Variants in METTL15 observed in about 807,000 individuals in gnomAD.
METTL15 encodes the protein methyltransferase 15, mitochondrial 12S rRNA N4-cytidine, also known as 12S rRNA N(4)-cytidine methyltransferase METTL15.
Under a neutral mutation model 38.3 loss-of-function variants are expected in METTL15, and 34 were observed. The ratio of observed to expected loss-of-function variants is 0.89; its 90% CI spans 0.68 to 1.18. The LOEUF is 1.18. METTL15 is among the 50% of genes most tolerant of loss of function. The pLI, the probability that METTL15 is intolerant of heterozygous loss-of-function variation, is 0.00. For missense variants in METTL15, 438 were observed against 498.4 expected (o/e 0.88, Z 1.15); for synonymous variants, 162 against 170.9 (o/e 0.95, Z 0.41).
chr11:28,153,491 G>A lies in METTL15; in HGVS notation c.270+39887G>A, dbSNP rs1270451106. On this transcript the variant is annotated intron_variant, in intron 3 of 6. Transcript: ENST00000407364. Reference sequence around the variant, plus strand: ...GATGGGGAACCCATTAATATGGAGGGCTGACTATATTCTAATGTGTGATTT... The same window carrying A: ...GATGGGGAACCCATTAATATGGAGGACTGACTATATTCTAATGTGTGATTT... Among the ~76,000 whole-genome samples the A allele has an allele frequency of 5.9e-5, 9 of 152,194 alleles. No individual in the cohort carries two copies. The East Asian group carries it at 1.5e-3, about 26-fold the overall frequency.
chr11:28,215,134 C>G (rs952423448), intron 4 of METTL15, among the ~76,000 whole-genome samples: 1 of 152,204 alleles, frequency 6.6e-6, no homozygotes, highest in African/African-American at 2.4e-5. Context: ...CTAATGCTAA[C>G]TGACTGAGTT....
intron 6 of METTL15, among the ~76,000 whole-genome samples, chr11:28,456,178 A>T (rs60664485): frequency 0.41 from 60,718 of 148,662 alleles, 13,956 homozygotes; most frequent in Admixed American, 0.52. Context: ...GCTAATTTTT[A>T]AAAAAAATTT....
chr11:28,360,796 T>G (rs1374847101), intron 4 of METTL15, among the ~76,000 whole-genome samples: 1 of 148,386 alleles, frequency 6.7e-6, no homozygotes, highest in African/African-American at 2.5e-5. Context: ...CTCCCAGTGC[T>G]ATTCCTCCCC....
At chr11:28,227,444 A>G (rs548706476) in intron 4 of METTL15, among the ~76,000 whole-genome samples, 10 of 152,000 alleles carry the variant, frequency 6.6e-5, no homozygotes, top group Admixed American at 3.3e-4. Context: ...TCAATTTAGA[A>G]CATGAAAGAT....
At chr11:28,298,566 C>T (rs891232917) in intron 6 of METTL15, among the ~76,000 whole-genome samples, 1 of 151,822 alleles carries the variant, frequency 6.6e-6, no homozygotes, top group Non-Finnish European at 1.5e-5. Flanking sequence ...TGTAAACTTG[C>T]GGAAATAACA....
At chr11:28,144,503 CAG>C (rs1849811513) in intron 3 of METTL15, among the ~76,000 whole-genome samples, 1 of 151,896 alleles carries the variant, frequency 6.6e-6, no homozygotes, top group Non-Finnish European at 1.5e-5. Context: ...GTGTTTACTC[CAG>C]AGATGGAGGA....
chr11:28,377,062 A>G (rs1480069551), intron 5 of METTL15, among the ~76,000 whole-genome samples: 6 of 132,770 alleles, frequency 4.5e-5, no homozygotes, highest in Admixed American at 3.4e-4. Flanking sequence ...TTTGAGGGTA[A>G]CCCGACCTTT....
intron 4 of METTL15, among the ~76,000 whole-genome samples, chr11:28,283,249 C>T (rs1856123367): frequency 6.6e-6 from 1 of 152,098 alleles, no homozygotes; most frequent in South Asian, 2.1e-4. Context: ...ATTGCTTTAT[C>T]CAGCAGCCCT....
At chr11:28,279,319 G>A (rs1053385434) in intron 4 of METTL15, among the ~76,000 whole-genome samples, 2 of 151,952 alleles carry the variant, frequency 1.3e-5, no homozygotes, top group African/African-American at 4.8e-5. Context: ...TTTACAAGCA[G>A]CCTAAAATTT....
At chr11:28,228,250 CTCTTTTCCT>C (rs1171130481) in intron 4 of METTL15, among the ~76,000 whole-genome samples, 1 of 151,854 alleles carries the variant, frequency 6.6e-6, no homozygotes, top group African/African-American at 2.4e-5. Context: ...TATCTGACTG[CTCTTTTCCT>C]TCTTTTCCAT....
At chr11:28,200,478 C>T (rs1338109545) in intron 3 of METTL15, among the ~76,000 whole-genome samples, 1 of 152,004 alleles carries the variant, frequency 6.6e-6, no homozygotes, top group African/African-American at 2.4e-5. Flanking sequence ...GTTATTATTA[C>T]TCTTCATTCC....
At chr11:28,143,223 A>G (rs147931871) in intron 3 of METTL15, among the ~76,000 whole-genome samples, 2 of 152,274 alleles carry the variant, frequency 1.3e-5, no homozygotes, top group African/African-American at 4.8e-5. Flanking sequence ...GCATGAGACA[A>G]AGATTTACCA....
intron 6 of METTL15, among the ~76,000 whole-genome samples, chr11:28,442,020 C>T (rs1851038986): frequency 6.6e-6 from 1 of 152,188 alleles, no homozygotes; most frequent in South Asian, 2.1e-4. Context: ...AAATTGTGGA[C>T]ATACGGAAGT....
At chr11:28,424,399 A>G (rs1462585274) in intron 6 of METTL15, 1 of 152,034 alleles carries the variant, frequency 6.6e-6, no homozygotes, top group African/African-American at 2.4e-5. Context: ...TCTCCCACTT[A>G]GTTTTCTGCA....
intron 5 of METTL15, among the ~76,000 whole-genome samples, chr11:28,405,050 T>A (rs1850662637): frequency 6.6e-6 from 1 of 152,136 alleles, no homozygotes; most frequent in Admixed American, 6.6e-5. Flanking sequence ...TTTAAATCAT[T>A]CATTGAACAA....
At chr11:28,507,793 C>T (rs1464316331) in intron 6 of METTL15, among the ~76,000 whole-genome samples, 1 of 152,178 alleles carries the variant, frequency 6.6e-6, no homozygotes, top group African/African-American at 2.4e-5. Flanking sequence ...GTCCCGCAAA[C>T]TGCTACTTCT....
At chr11:28,174,687 C>T (rs556517869) in intron 3 of METTL15, among the ~76,000 whole-genome samples, 12 of 151,576 alleles carry the variant, frequency 7.9e-5, no homozygotes, top group Admixed American at 1.3e-4. Context: ...TGGTGGCAGG[C>T]GCCTGTAGTC....
intron 6 of METTL15, among the ~76,000 whole-genome samples, chr11:28,489,683 G>T (rs943526207): frequency 6.6e-6 from 1 of 151,998 alleles, no homozygotes; most frequent in East Asian, 1.9e-4. Context: ...AGCAATTAAG[G>T]TGCACACTGG....
intron 6 of METTL15, among the ~76,000 whole-genome samples, chr11:28,512,020 T>A (rs548499800): frequency 5.3e-5 from 8 of 152,160 alleles, no homozygotes; most frequent in African/African-American, 1.9e-4. Flanking sequence ...ATACAGAGTG[T>A]CGATTGGTGC....
Sources: allele counts gnomAD v4.1 joint callset (sites outside exome capture counted in the v4.1 genomes callset), GRCh38; gene constraint gnomAD v4.1.1; transcripts MANE v1.5; gene names NCBI Gene and HGNC (gene_info 2026-07-23, HGNC 2026-07-21).